Variants in HPSE2 observed in about 807,000 individuals in gnomAD.
HPSE2 encodes the protein heparanase 2 (inactive), also known as inactive heparanase-2.
HPSE2 carries 38 observed loss-of-function variants against 60.5 expected under a neutral mutation model. The ratio of observed to expected loss-of-function variants is 0.63; its 90% CI spans 0.48 to 0.82. The LOEUF is 0.82. Among genes scored for constraint, HPSE2 ranks in the 40% least tolerant of loss-of-function variants. The pLI is 0.00. For synonymous variants in HPSE2, 295 were observed against 293.2 expected (o/e 1.01, Z -0.06); for missense variants, 713 against 740.4 (o/e 0.96, Z 0.43).
chr10:98,704,341 T>C (rs1948489661), intron 5 of HPSE2, among the ~76,000 whole-genome samples: 1 of 151,972 alleles, frequency 6.6e-6, no homozygotes, highest in Non-Finnish European at 1.5e-5. Flanking sequence ...CCCAAAGTAA[T>C]TTACAGATTC....
chr10:98,562,813 T>A (rs910543152), intron 9 of HPSE2, among the ~76,000 whole-genome samples: 3 of 152,188 alleles, frequency 2.0e-5, no homozygotes, highest in Non-Finnish European at 4.4e-5. Flanking sequence ...ATGTACAAAT[T>A]TCTCTTGAGG....
At chr10:98,535,567 A>G (rs1943257598) in intron 9 of HPSE2, among the ~76,000 whole-genome samples, 1 of 152,102 alleles carries the variant, frequency 6.6e-6, no homozygotes, top group South Asian at 2.1e-4. Flanking sequence ...ACTCTGGTGG[A>G]CCACTTGAAA....
intron 8 of HPSE2, among the ~76,000 whole-genome samples, chr10:98,615,315 T>C (rs1945876972): frequency 6.6e-6 from 1 of 152,184 alleles, no homozygotes; most frequent in South Asian, 2.1e-4. Flanking sequence ...ATTCCTGAAA[T>C]ACTAACAAAT....
intron 6 of HPSE2, among the ~76,000 whole-genome samples, chr10:98,664,873 A>G (rs1462971194): frequency 6.6e-6 from 1 of 152,198 alleles, no homozygotes; most frequent in Non-Finnish European, 1.5e-5. Flanking sequence ...AATTCTGGCA[A>G]TTCAAAAAGC....
chr10:98,749,930 C>CTATATATATATATATATATATA (rs771032742), intron 3 of HPSE2, among the ~76,000 whole-genome samples: 13 of 96,972 alleles, frequency 1.3e-4, no homozygotes, highest in African/African-American at 3.8e-4. Context: ...ATATTAAACA[C>CTATATATATATATATATATATA]TATATATATA....
intron 4 of HPSE2, among the ~76,000 whole-genome samples, chr10:98,739,158 TCATGTCCTTTGCAGGGA>T (rs1461369710): frequency 2.0e-5 from 3 of 152,168 alleles, no homozygotes; most frequent in Non-Finnish European, 4.4e-5. Flanking sequence ...AAGAATGAGT[TCATGTCCTTTGCAGGGA>T]CATGGATGAA....
intron 9 of HPSE2, among the ~76,000 whole-genome samples, chr10:98,596,381 C>A (rs1418789590): frequency 1.3e-5 from 2 of 151,984 alleles, no homozygotes; most frequent in Admixed American, 6.6e-5. Context: ...TTACACAACA[C>A]CATTACAGTA....
intron 3 of HPSE2, chr10:99,047,918 A>T (rs1957894280): frequency 1.3e-6 from 1 of 758,624 alleles, no homozygotes; most frequent in Admixed American, 1.7e-5. Flanking sequence ...GTTTGTCCTC[A>T]GGATCAGAGG....
In HPSE2 at chr10:98,983,940, C is replaced by A. The variant is rs544694138; in HGVS notation, c.610+160298G>T. ...CGAACTGCAAGGCAGCAGCCAGGCT[C>A]GGGGAGGGGCGACCCTCATTGCCCA... On this transcript the variant is annotated intron_variant, in intron 3 of 11. Transcript: ENST00000370552. Among the ~76,000 whole-genome samples, 6 of 152,254 alleles carry A rather than the reference C, an allele frequency of 3.9e-5. No individual in the cohort carries two copies. The South Asian group carries it at 1.0e-3, about 26-fold the overall frequency.
chr10:98,877,084 T>C (rs1952897736), intron 3 of HPSE2, among the ~76,000 whole-genome samples: 1 of 151,924 alleles, frequency 6.6e-6, no homozygotes, highest in Non-Finnish European at 1.5e-5. Flanking sequence ...ATATCTCTTA[T>C]ATAAGAACCT....
At chr10:98,480,303 C>T (rs557119777) in intron 11 of HPSE2, among the ~76,000 whole-genome samples, 1 of 152,110 alleles carries the variant, frequency 6.6e-6, no homozygotes, top group Admixed American at 6.5e-5. Flanking sequence ...AGGCTCATCT[C>T]GAACTCCTGA....
intron 3 of HPSE2, among the ~76,000 whole-genome samples, chr10:98,805,105 A>G (rs576310272): frequency 6.6e-6 from 1 of 152,224 alleles, no homozygotes; most frequent in South Asian, 2.1e-4. Context: ...TCATGGAGAT[A>G]AGAGAGTAGA....
At chr10:99,148,902 T>C (rs1442634472) in intron 2 of HPSE2, among the ~76,000 whole-genome samples, 2 of 151,938 alleles carry the variant, frequency 1.3e-5, no homozygotes, top group East Asian at 3.9e-4. Context: ...AATGGAAGAC[T>C]ATACACTGTT....
intron 3 of HPSE2, among the ~76,000 whole-genome samples, chr10:98,799,729 A>C (rs913971261): frequency 1.3e-5 from 2 of 152,184 alleles, no homozygotes; most frequent in African/African-American, 4.8e-5. Context: ...ATTTCTTGAA[A>C]AAAAAGATAA....
chr10:98,785,744 G>T (rs1450926897), intron 3 of HPSE2, among the ~76,000 whole-genome samples: 1 of 110,540 alleles, frequency 9.0e-6, no homozygotes, highest in African/African-American at 3.7e-5. Flanking sequence ...GGTGTTTGTA[G>T]TATTCTCTGA....
chr10:98,709,595 C>T (rs563522148), intron 5 of HPSE2, among the ~76,000 whole-genome samples: 5 of 152,270 alleles, frequency 3.3e-5, no homozygotes, highest in South Asian at 2.1e-4. Context: ...GCAGACATTT[C>T]GGTATTTGGG....
chr10:99,258,939 C>T, the HPSE2 span, among the ~76,000 whole-genome samples: 1 of 152,102 alleles, frequency 6.6e-6, no homozygotes, highest in African/African-American at 2.4e-5. Flanking sequence ...TTCTTTATGA[C>T]TTTTGGTTAA....
chr10:98,662,994 G>A (rs1345936110), intron 6 of HPSE2, among the ~76,000 whole-genome samples: 1 of 152,184 alleles, frequency 6.6e-6, no homozygotes, highest in Non-Finnish European at 1.5e-5. Context: ...AGGACCACAA[G>A]AGTTTAGAAA....
chr10:98,884,655 C>A (rs1953116016), intron 3 of HPSE2, among the ~76,000 whole-genome samples: 1 of 152,122 alleles, frequency 6.6e-6, no homozygotes, highest in Admixed American at 6.6e-5. Flanking sequence ...CAGTCCTCAA[C>A]CTTTTTGGCA....
Sources: gnomAD v4.1 joint callset for allele counts (sites outside exome capture counted in the v4.1 genomes callset) on GRCh38, gnomAD v4.1.1 for gene constraint, MANE v1.5 for transcripts, NCBI Gene and HGNC (gene_info 2026-07-23, HGNC 2026-07-21) for gene names.